Variants in DLG2 observed in about 807,000 individuals in gnomAD.
The protein encoded by DLG2 is discs large MAGUK scaffold protein 2.
A neutral mutation model predicts 132.5 loss-of-function variants in DLG2; 45 were observed. That is an observed-to-expected ratio of 0.34 (90% CI 0.27 to 0.44). The LOEUF is 0.44. Among genes scored for constraint, DLG2 ranks in the 20% least tolerant of loss-of-function variants. The pLI, the probability that DLG2 is intolerant of heterozygous loss-of-function variation, is 1.00. For missense variants in DLG2, 1,045 were observed against 1,196.9 expected (o/e 0.87, Z 1.87); for synonymous variants, 424 against 419.6 (o/e 1.01, Z -0.13).
intron 6 of DLG2, among the ~76,000 whole-genome samples, chr11:84,766,888 A>T (rs2068497725): frequency 6.6e-6 from 1 of 152,110 alleles, no homozygotes; most frequent in African/African-American, 2.4e-5. Context: ...AAAAGTATCA[A>T]TGGCTTACTT....
intron 6 of DLG2, among the ~76,000 whole-genome samples, chr11:85,075,309 T>C (rs1046676739): frequency 3.3e-5 from 5 of 151,892 alleles, no homozygotes; most frequent in African/African-American, 1.2e-4. Flanking sequence ...ATTATAATTC[T>C]AGGTATAAGA....
At chr11:83,930,989 T>A (rs1177346663) in intron 14 of DLG2, among the ~76,000 whole-genome samples, 1 of 152,218 alleles carries the variant, frequency 6.6e-6, no homozygotes, top group Non-Finnish European at 1.5e-5. Flanking sequence ...ACCTTTGAAT[T>A]CCTTCTATGT....
intron 15 of DLG2, among the ~76,000 whole-genome samples, chr11:83,876,272 A>T (rs2064769139): frequency 6.6e-6 from 1 of 152,174 alleles, no homozygotes; most frequent in Non-Finnish European, 1.5e-5. Flanking sequence ...TGTTAAATAA[A>T]TAAACCATTA....
At chr11:84,361,614 A>C (rs778497211) in intron 7 of DLG2, among the ~76,000 whole-genome samples, 1 of 152,016 alleles carries the variant, frequency 6.6e-6, no homozygotes, top group Non-Finnish European at 1.5e-5. Flanking sequence ...CAGAATTTAT[A>C]GCTACAACAA....
In DLG2 at chr11:84,517,643, A is replaced by G. The variant is rs78187743; in HGVS notation, c.519+16927T>C. ...TATCATATAATTCAGTAATTCAACT[A>G]TTGGGTATATAGCCAGAGTAAATAA... On this transcript the variant is annotated intron_variant, in intron 7 of 27. Transcript: ENST00000376104. Among the ~76,000 whole-genome samples the G allele has an allele frequency of 2.0e-3, 310 of 152,106 alleles. 1 individual carries two copies. The highest frequency in any genetic ancestry group is 7.2e-3 in the African/African-American group (299 of 41,556).
chr11:83,526,990 C>T (rs935076339), intron 21 of DLG2, among the ~76,000 whole-genome samples: 3 of 152,178 alleles, frequency 2.0e-5, no homozygotes, highest in Non-Finnish European at 1.5e-5. Context: ...TACACCTCCA[C>T]ATTACTTATC....
chr11:85,368,642 T>C (rs990488801), intron 3 of DLG2, among the ~76,000 whole-genome samples: 2 of 152,220 alleles, frequency 1.3e-5, no homozygotes, highest in Admixed American at 1.3e-4. Context: ...ACGCTTTCAA[T>C]TCCCAACTTC....
intron 3 of DLG2, among the ~76,000 whole-genome samples, chr11:85,504,889 G>A (rs1261988732): frequency 6.6e-6 from 1 of 152,020 alleles, no homozygotes; most frequent in Non-Finnish European, 1.5e-5. Flanking sequence ...TTATTTCATT[G>A]AGCAGTGCTT....
intron 7 of DLG2, among the ~76,000 whole-genome samples, chr11:84,384,757 A>G (rs1405396589): frequency 1.3e-5 from 2 of 151,900 alleles, no homozygotes; most frequent in East Asian, 1.9e-4. Context: ...AACCTAAGAC[A>G]TGTTGTTCCA....
chr11:83,895,004 A>G (rs1313540173), intron 15 of DLG2, among the ~76,000 whole-genome samples: 1 of 152,170 alleles, frequency 6.6e-6, no homozygotes, highest in African/African-American at 2.4e-5. Flanking sequence ...ACAATATGAA[A>G]TTGATTTGCA....
At chr11:83,864,685 G>A (rs1171619176) in intron 16 of DLG2, among the ~76,000 whole-genome samples, 2 of 152,038 alleles carry the variant, frequency 1.3e-5, no homozygotes, top group Non-Finnish European at 1.5e-5. Context: ...GGCAATAAAG[G>A]GGCATCTGGT....
At chr11:84,821,319 C>T (rs978300082) in intron 6 of DLG2, among the ~76,000 whole-genome samples, 5 of 151,558 alleles carry the variant, frequency 3.3e-5, no homozygotes, top group Non-Finnish European at 7.4e-5. Context: ...CTTTATGAAA[C>T]GCAGATAGAA....
At chr11:83,651,306 A>C (rs180742474) in intron 18 of DLG2, among the ~76,000 whole-genome samples, 1 of 152,286 alleles carries the variant, frequency 6.6e-6, no homozygotes, top group African/African-American at 2.4e-5. Context: ...ATTACTTAAC[A>C]TTTCTGAGTT....
intron 7 of DLG2, among the ~76,000 whole-genome samples, chr11:84,291,308 A>G (rs1466245102): frequency 1.3e-5 from 2 of 152,190 alleles, no homozygotes; most frequent in Non-Finnish European, 2.9e-5. Flanking sequence ...AAGGTTAGGT[A>G]GACAAAAAAG....
chr11:83,908,552 C>G (rs966788240), intron 15 of DLG2, among the ~76,000 whole-genome samples: 2 of 152,122 alleles, frequency 1.3e-5, no homozygotes, highest in Non-Finnish European at 2.9e-5. Context: ...ATCTGCCTCA[C>G]ACCCACGATT....
intron 3 of DLG2, among the ~76,000 whole-genome samples, chr11:85,352,396 GT>G (rs1555073286): frequency 6.6e-6 from 1 of 152,062 alleles, no homozygotes; most frequent in Non-Finnish European, 1.5e-5. Flanking sequence ...GGGTTTTTGT[GT>G]CTCTATCTCC....
intron 6 of DLG2, among the ~76,000 whole-genome samples, chr11:84,881,041 A>G (rs1377584641): frequency 2.0e-5 from 3 of 152,128 alleles, no homozygotes; most frequent in African/African-American, 4.8e-5. Flanking sequence ...GATATATCAA[A>G]AAATAAGACT....
At position 83,705,888 on chromosome 11, in the gene DLG2, G is replaced by A. The variant is rs139169861; in HGVS notation, c.1826-72563C>T. On this transcript the variant is annotated intron_variant, in intron 18 of 27. Transcript: ENST00000376104. ...AAAAGACAATAGATTTGCAGTCATC[G>A]CGCACACCAACAAAAGTTTCAACTT... is the stretch of plus-strand genomic sequence containing the variant. Among the ~76,000 whole-genome samples the A allele has an allele frequency of 4.9e-3, 753 of 152,204 alleles. 7 individuals carry two copies. The highest frequency in any genetic ancestry group is 0.016 in the African/African-American group (677 of 41,528).
At chr11:83,754,657 G>A (rs1329659702) in intron 18 of DLG2, among the ~76,000 whole-genome samples, 1 of 151,240 alleles carries the variant, frequency 6.6e-6, no homozygotes, top group Non-Finnish European at 1.5e-5. Flanking sequence ...AGATTCAGGA[G>A]GACCAAAGGG....
Sources: gnomAD v4.1 joint callset for allele counts (sites outside exome capture counted in the v4.1 genomes callset) on GRCh38, gnomAD v4.1.1 for gene constraint, MANE v1.5 for transcripts, NCBI Gene and HGNC (gene_info 2026-07-23, HGNC 2026-07-21) for gene names.